Variants in VPS13C observed in about 807,000 individuals in gnomAD.
The protein encoded by VPS13C is vacuolar protein sorting 13 homolog C.
A neutral mutation model predicts 456.8 loss-of-function variants in VPS13C; 358 were observed. That is an observed-to-expected ratio of 0.78 (90% CI 0.72 to 0.86). The LOEUF (loss-of-function observed/expected upper bound fraction) is 0.86. Among genes scored for constraint, VPS13C ranks in the 40% least tolerant of loss-of-function variants. VPS13C has a pLI of 0.00. For missense variants in VPS13C, 4,818 were observed against 4,385.4 expected (o/e 1.10, Z -2.79); for synonymous variants, 1,578 against 1,486.7 (o/e 1.06, Z -1.41).
chr15:61,871,879 T>C, intron 79 of VPS13C, 110 bp downstream of exon 79: 1 of 927,788 alleles, frequency 1.1e-6, no homozygotes, highest in Non-Finnish European at 1.6e-6. Context: ...AATATAAAAT[T>C]CAGTCAGTAA....
intron 66 of VPS13C, among the ~76,000 whole-genome samples, chr15:61,901,884 T>C (rs2043008803): frequency 6.6e-6 from 1 of 152,078 alleles, no homozygotes; most frequent in Non-Finnish European, 1.5e-5. Flanking sequence ...AATGATAGAC[T>C]GGATTAAGAA....
In VPS13C at chr15:61,909,139, A is replaced by T; in HGVS notation, c.8845-14T>A. ...GATACCCCCATTCTATTGTAGAAAA[A>T]AAAAAAGTATGTTTGATGTACTGGT... is the stretch of plus-strand genomic sequence containing the variant. On this transcript the variant is annotated splice_polypyrimidine_tract_variant and intron_variant, in intron 64 of 84. Transcript: ENST00000644861. The T allele has an allele frequency of 6.2e-7, 1 of 1,612,818 alleles. No homozygotes were observed. The highest frequency in any genetic ancestry group is 8.5e-7 in the Non-Finnish European group (1 of 1,179,660).
chr15:61,933,858 C>A (rs984888214), intron 49 of VPS13C, among the ~76,000 whole-genome samples: 1 of 151,826 alleles, frequency 6.6e-6, no homozygotes, highest in Non-Finnish European at 1.5e-5. Flanking sequence ...AAAGTCACTA[C>A]TAAATTATTC....
chr15:61,856,217 T>C (rs1893895377), intron 83 of VPS13C, 69 bp downstream of exon 83: 1 of 1,566,428 alleles, frequency 6.4e-7, no homozygotes, highest in African/African-American at 1.4e-5. Context: ...AAATATTTTG[T>C]GTAGTTAACT....
chr15:61,970,404 A>T (rs906844079), intron 27 of VPS13C, among the ~76,000 whole-genome samples: 1 of 152,232 alleles, frequency 6.6e-6, no homozygotes, highest in South Asian at 2.1e-4. Context: ...CTTGATAGGC[A>T]GCAATAATAA....
intron 2 of VPS13C, among the ~76,000 whole-genome samples, chr15:62,042,526 CAA>C (rs754056541): frequency 7.1e-6 from 1 of 141,506 alleles, no homozygotes; most frequent in African/African-American, 2.6e-5. Flanking sequence ...TTTTTTAGAC[CAA>C]AAAAAAAAAG....
chr15:61,943,843 C>T (rs2140266672), intron 45 of VPS13C, among the ~76,000 whole-genome samples: 1 of 151,314 alleles, frequency 6.6e-6, no homozygotes, highest in Non-Finnish European at 1.5e-5. Context: ...GTGGAGTAAA[C>T]AGACAACCTA....
chr15:61,970,356 C>G (rs1048400306), intron 27 of VPS13C, among the ~76,000 whole-genome samples: 1 of 152,100 alleles, frequency 6.6e-6, no homozygotes, highest in Non-Finnish European at 1.5e-5. Flanking sequence ...ACCCACAAAC[C>G]TGTAAGCAAA....
At chr15:61,942,111 T>C in intron 45 of VPS13C, 44 bp from the exon 46 acceptor site, 1 of 1,495,134 alleles carries the variant, frequency 6.7e-7, no homozygotes, top group Non-Finnish European at 8.9e-7. Context: ...GGCATTTATT[T>C]TTAAAAGAAA....
intron 42 of VPS13C, 147 bp downstream of exon 42, chr15:61,949,296 T>A (rs568631654): frequency 1.2e-6 from 1 of 859,410 alleles, no homozygotes; most frequent in Non-Finnish European, 1.8e-6. Context: ...TATAATCCCA[T>A]AGAGATAACA....
intron 81 of VPS13C, chr15:61,865,548 G>A (rs1894484464): frequency 1.2e-6 from 1 of 865,310 alleles, no homozygotes; most frequent in Non-Finnish European, 1.4e-6. Flanking sequence ...ATATATGTAT[G>A]TGTAAATATG....
chr15:61,929,610 A>T lies in VPS13C; in HGVS notation c.6177T>A (p.Thr2059=). 6.2e-7 allele frequency: 1 copy of T among 1,614,124 alleles called. No homozygotes were observed. The highest frequency in any genetic ancestry group is 2.2e-5 in the East Asian group (1 of 44,866). The change falls in exon 51 of 85, where the codon ACT becomes ACA. Residue 2059 remains threonine, a synonymous_variant. Transcript: ENST00000644861. ...YVCASVEFLM[T]VADFFIKAVP... ...CAGCTTTGATAAAGAAATCTGCCAC[A>T]GTCATCAGAAATTCCACACTGGCAC... is the stretch of plus-strand genomic sequence containing the variant.
chr15:61,986,640 G>A (rs1209970769), intron 18 of VPS13C, among the ~76,000 whole-genome samples: 1 of 152,018 alleles, frequency 6.6e-6, no homozygotes, highest in Non-Finnish European at 1.5e-5. Flanking sequence ...ACAGTAAGAA[G>A]TCCAAACAGT....
At chr15:61,923,783 T>C (rs1318556353) in intron 53 of VPS13C, among the ~76,000 whole-genome samples, 1 of 150,164 alleles carries the variant, frequency 6.7e-6, no homozygotes, top group African/African-American at 2.5e-5. Context: ...CTTATTAATG[T>C]CACTTATAAT....
chr15:61,893,426 A>G (rs1596300782), intron 66 of VPS13C, among the ~76,000 whole-genome samples: 1 of 152,310 alleles, frequency 6.6e-6, no homozygotes, highest in East Asian at 1.9e-4. Flanking sequence ...AGTTTTTATC[A>G]GATGAACAGA....
intron 66 of VPS13C, among the ~76,000 whole-genome samples, chr15:61,905,114 T>G (rs1026934507): frequency 5.9e-5 from 9 of 152,120 alleles, no homozygotes; most frequent in Non-Finnish European, 1.3e-4. Context: ...AGCTCAAAAT[T>G]GCTAGAAGAG....
Position 62,004,417 on chromosome 15 carries a change from CTTT to C in VPS13C, c.1290+2888_1290+2890del, listed in dbSNP as rs2046756305. ...CTATTTGATTCTTCTCTTTTTTCTT[CTTT>C]ATTAGTCTTGCTAGCAGTCTATCAA... On this transcript the variant is annotated intron_variant, in intron 15 of 84. Coordinates refer to ENST00000644861, the MANE Select transcript of VPS13C (RefSeq NM_020821.3). Among the ~76,000 whole-genome samples, 4 of 151,776 alleles carry C rather than the reference CTTT, an allele frequency of 2.6e-5. No individual in the cohort carries two copies. The South Asian group carries it at 8.3e-4, about 32-fold the overall frequency.
Position 61,919,429 on chromosome 15 carries a change from C to T in VPS13C, c.7498G>A (p.Val2500Ile), listed in dbSNP as rs370954921. 1.9e-5 allele frequency: 30 copies of T among 1,587,952 alleles called. No individual in the cohort carries two copies. The African/African-American group carries it at 2.2e-4, about 12-fold the overall frequency. ...GGTCTGGCCACAGGGATATTTGCAA[C>T]TTCTGTATATCCATGAGGTACTAAG... ...LTIVPHGYTE[V>I]ANIPVARPGR... Residue 2500 changes from valine to isoleucine, a missense_variant, in exon 58 of 85, where the codon GTT becomes ATT. Coordinates refer to ENST00000644861, the MANE Select transcript of VPS13C (RefSeq NM_020821.3).
rs1192961553 is a variant in VPS13C, at chr15:61,907,037, T to C, written c.9105+227A>G. ...AAAAAGGTGCTTTACATAGGCAAGATAAAGCAGGTCTATTTTTTAAATTGT... is the reference window on the plus strand; with the variant it reads ...AAAAAGGTGCTTTACATAGGCAAGACAAAGCAGGTCTATTTTTTAAATTGT... On this transcript the variant is annotated intron_variant, in intron 66 of 84. Transcript: ENST00000644861. 1.0e-5 allele frequency: 5 copies of C among 479,274 alleles called. No individual in the cohort carries two copies. The East Asian group carries it at 2.1e-4, about 20-fold the overall frequency. The allele number at this position is 479,274 out of a possible 1,614,324, so 29.7% of individuals were successfully genotyped here. A position where few individuals can be genotyped will look rare whatever the true frequency, so the allele number is the denominator to read the frequency against.
Sources: allele counts gnomAD v4.1 joint callset (sites outside exome capture counted in the v4.1 genomes callset), GRCh38; gene constraint gnomAD v4.1.1; transcripts MANE v1.5; gene names NCBI Gene and HGNC (gene_info 2026-07-23, HGNC 2026-07-21).